Variants in CAMKMT observed in about 807,000 individuals in gnomAD.
The protein encoded by CAMKMT is CaM KMT.
CAMKMT carries 53 observed loss-of-function variants against 48.0 expected under a neutral mutation model. That is an observed-to-expected ratio of 1.10 (90% CI 0.89 to 1.39). CAMKMT has a LOEUF of 1.39. Ranked by LOEUF, CAMKMT falls within the 40% of genes most tolerant of loss-of-function variation. The pLI is 0.00. For synonymous variants in CAMKMT, 165 were observed against 152.3 expected (o/e 1.08, Z -0.61); for missense variants, 428 against 402.7 (o/e 1.06, Z -0.54).
intron 3 of CAMKMT, among the ~76,000 whole-genome samples, chr2:44,620,830 C>T (rs1196088002): frequency 6.6e-6 from 1 of 152,160 alleles, no homozygotes; most frequent in Non-Finnish European, 1.5e-5. Context: ...CAGGCTCCAC[C>T]CCTTCTTAGC....
chr2:44,560,441 A>T (rs973125124), intron 3 of CAMKMT, among the ~76,000 whole-genome samples: 38 of 152,074 alleles, frequency 2.5e-4, no homozygotes, highest in East Asian at 1.2e-3. Context: ...CTAATTTTTT[A>T]ATTTTTTTTT....
intron 3 of CAMKMT, among the ~76,000 whole-genome samples, chr2:44,575,778 G>A (rs1254392521): frequency 6.6e-6 from 1 of 150,402 alleles, no homozygotes; most frequent in Non-Finnish European, 1.5e-5. Flanking sequence ...GATTGCTTGA[G>A]CTTCGGAGGT....
chr2:44,712,740 C>T (rs1389309873), intron 6 of CAMKMT, among the ~76,000 whole-genome samples: 1 of 152,186 alleles, frequency 6.6e-6, no homozygotes, highest in Non-Finnish European at 1.5e-5. Context: ...GTTCAGAGAA[C>T]ACGATTTGGC....
chr2:44,695,904 T>C (rs1346522520), intron 3 of CAMKMT, among the ~76,000 whole-genome samples: 1 of 148,552 alleles, frequency 6.7e-6, no homozygotes, highest in Middle Eastern at 3.2e-3. Flanking sequence ...TCCAAAATAT[T>C]CAAAAAAAAA....
chr2:44,665,585 G>C, intron 3 of CAMKMT, among the ~76,000 whole-genome samples: 1 of 152,186 alleles, frequency 6.6e-6, no homozygotes, highest in Non-Finnish European at 1.5e-5. Flanking sequence ...TGGTTGATCA[G>C]ATTTTTAAGG....
chr2:44,495,858 G>C (rs111965552), intron 3 of CAMKMT, among the ~76,000 whole-genome samples: 4 of 152,034 alleles, frequency 2.6e-5, no homozygotes, highest in Non-Finnish European at 4.4e-5. Flanking sequence ...TCCTTCTATT[G>C]GGTTGCTTTT....
chr2:44,520,260 G>A lies in CAMKMT; in HGVS notation c.376+129955G>A, dbSNP rs187586745. On this transcript the variant is annotated intron_variant, in intron 3 of 10. Coordinates refer to ENST00000378494, the MANE Select transcript of CAMKMT (RefSeq NM_024766.5). ...AATAAATTTATTTTAGTTGAGATGG[G>A]GTCTCGCTATGTTGCCCAGACTATG... 3.3e-5 allele frequency among the ~76,000 whole-genome samples: 5 copies of A among 151,878 alleles called. No individual in the cohort carries two copies. In the East Asian group the frequency reaches 7.8e-4, roughly 24 times the overall value.
At position 44,659,335 on chromosome 2, in the gene CAMKMT, A is replaced by G. The variant is rs1674552899; in HGVS notation, c.377-44948A>G. On this transcript the variant is annotated intron_variant, in intron 3 of 10. Coordinates refer to ENST00000378494, the MANE Select transcript of CAMKMT (RefSeq NM_024766.5). ...CCAGCTACTTGGGAGGCTGAAGTGG[A>G]AGGACAGCTTGAGCCCAGGAGGTTG... is the stretch of plus-strand genomic sequence containing the variant. Among the ~76,000 whole-genome samples the G allele has an allele frequency of 2.0e-5, 3 of 151,970 alleles. No individual in the cohort carries two copies. The South Asian group carries it at 6.2e-4, about 32-fold the overall frequency.
intron 3 of CAMKMT, among the ~76,000 whole-genome samples, chr2:44,431,313 G>T (rs1684635296): frequency 6.6e-6 from 1 of 151,984 alleles, no homozygotes; most frequent in Non-Finnish European, 1.5e-5. Context: ...CAGAAACTTA[G>T]GAAAATTGAG....
At chr2:44,745,675 A>G (rs927331580) in intron 8 of CAMKMT, among the ~76,000 whole-genome samples, 4 of 152,104 alleles carry the variant, frequency 2.6e-5, no homozygotes, top group Non-Finnish European at 5.9e-5. Context: ...TGTAAATGCC[A>G]GAATGTCAGC....
At chr2:44,522,675 A>T (rs1671181218) in intron 3 of CAMKMT, among the ~76,000 whole-genome samples, 1 of 152,186 alleles carries the variant, frequency 6.6e-6, no homozygotes. Context: ...TTTACCTTGA[A>T]GGCATTTCTT....
chr2:44,483,635 A>G (rs1669080859), intron 3 of CAMKMT, among the ~76,000 whole-genome samples: 1 of 152,182 alleles, frequency 6.6e-6, no homozygotes. Context: ...TATGAAGGCC[A>G]TCATGTAGCT....
chr2:44,405,556 G>A (rs2104459449), intron 3 of CAMKMT, among the ~76,000 whole-genome samples: 1 of 152,040 alleles, frequency 6.6e-6, no homozygotes, highest in South Asian at 2.1e-4. Context: ...TGAAGGAATG[G>A]GGTAGAAGAA....
chr2:44,479,487 A>AAACC (rs1668858931), intron 3 of CAMKMT, among the ~76,000 whole-genome samples: 1 of 152,196 alleles, frequency 6.6e-6, no homozygotes, highest in African/African-American at 2.4e-5. Context: ...AAAAGCTTTT[A>AAACC]AACCAACATT....
chr2:44,766,664 C>A, intron 10 of CAMKMT, 103 bp downstream of exon 10: 1 of 1,251,560 alleles, frequency 8.0e-7, no homozygotes, highest in Non-Finnish European at 1.1e-6. Flanking sequence ...TAAAGTACTC[C>A]TTAGATGTGT....
intron 3 of CAMKMT, among the ~76,000 whole-genome samples, chr2:44,513,141 A>G (rs1309105738): frequency 1.3e-5 from 2 of 152,126 alleles, no homozygotes; most frequent in Admixed American, 1.3e-4. Flanking sequence ...CAAGCCATTT[A>G]GAGGGAGAAA....
In CAMKMT at chr2:44,479,446, C is replaced by T. The variant is rs1433698710; in HGVS notation, c.376+89141C>T. Reference sequence around the variant, plus strand: ...ATCACCTAGCAACTTTAGATTCAGGCGGAAGTTGGAGTTTATTTTACAAAA... The same window carrying T: ...ATCACCTAGCAACTTTAGATTCAGGTGGAAGTTGGAGTTTATTTTACAAAA... On this transcript the variant is annotated intron_variant, in intron 3 of 10. Transcript: ENST00000378494. Among the ~76,000 whole-genome samples, 4 of 152,092 alleles carry T rather than the reference C, an allele frequency of 2.6e-5. No homozygotes were observed. In the South Asian group the frequency reaches 8.3e-4, roughly 32 times the overall value.
At chr2:44,500,759 G>A (rs1669968106) in intron 3 of CAMKMT, among the ~76,000 whole-genome samples, 1 of 147,250 alleles carries the variant, frequency 6.8e-6, no homozygotes. Context: ...TCAGCTCACT[G>A]TAACCTTTGC....
intron 3 of CAMKMT, among the ~76,000 whole-genome samples, chr2:44,597,719 T>A (rs372339389): frequency 2.7e-4 from 41 of 152,304 alleles, no homozygotes; most frequent in African/African-American, 9.4e-4. Context: ...ATATGCTTCC[T>A]TATTATTTTT....
Sources: allele counts gnomAD v4.1 joint callset (sites outside exome capture counted in the v4.1 genomes callset), GRCh38; gene constraint gnomAD v4.1.1; transcripts MANE v1.5; gene names NCBI Gene and HGNC (gene_info 2026-07-23, HGNC 2026-07-21).